The following SAMD5 variants were observed in gnomAD, a reference collection of about 807,000 sequenced individuals.
The protein encoded by SAMD5 is sterile alpha motif domain containing 5, also known as sterile alpha motif domain-containing protein 5.
A neutral mutation model predicts 11.3 loss-of-function variants in SAMD5; 13 were observed. The ratio of observed to expected loss-of-function variants is 1.15; its 90% confidence interval spans 0.75 to 1.83. The LOEUF (loss-of-function observed/expected upper bound fraction) is 1.83, where lower values mean the gene tolerates loss of function less well. SAMD5 is among the 40% of genes most tolerant of loss of function. The pLI is 0.00. For missense variants in SAMD5, 255 were observed against 239.1 expected (o/e 1.07, Z -0.44); for synonymous variants, 129 against 111.3 (o/e 1.16, Z -1.00).
At chr6:147,584,875 G>A (rs1789352002) in intron 1 of SAMD5, among the ~76,000 whole-genome samples, 1 of 152,180 alleles carries the variant, frequency 6.6e-6, no homozygotes, top group Non-Finnish European at 1.5e-5. Flanking sequence ...TGACAGAAAG[G>A]AAAGAAGGCA....
At chr6:147,909,622 T>TTCTCTCTCTCTC in the SAMD5 span, among the ~76,000 whole-genome samples, 47 of 69,780 alleles carry the variant, frequency 6.7e-4, 2 homozygotes, top group East Asian at 3.1e-3. Flanking sequence ...CTTTCTTTCT[T>TTCTCTCTCTCTC]TCTTTCTTTC....
At chr6:147,623,341 A>G (rs1790001220) in intron 1 of SAMD5, among the ~76,000 whole-genome samples, 1 of 152,250 alleles carries the variant, frequency 6.6e-6, no homozygotes, top group South Asian at 2.1e-4. Flanking sequence ...AAGTAGCCCC[A>G]TATGACAAAT....
In SAMD5 at chr6:147,566,470, A is replaced by G; in HGVS notation, c.*2014A>G. 1 of 985,718 alleles carries G rather than the reference A, an allele frequency of 1.0e-6. No homozygotes were observed. Among genetic ancestry groups the G allele is most frequent in the Non-Finnish European group, 1.2e-6 (1 of 829,836 alleles). 61.1% of individuals were successfully genotyped at this position (985,718 alleles called of 1,614,324 possible). ...ATTTCACAGATGTACATTTGCATGT[A>G]CTTGTTGAACTTTGCTAGGAAGGAC... is the stretch of plus-strand genomic sequence containing the variant. On this transcript the variant is annotated 3_prime_UTR_variant, in exon 2 of 2. Transcript: ENST00000367474.
intron 1 of SAMD5, among the ~76,000 whole-genome samples, chr6:147,539,222 T>C (rs1190326075): frequency 6.6e-6 from 1 of 152,190 alleles, no homozygotes; most frequent in Non-Finnish European, 1.5e-5. Context: ...GCAGCTACTC[T>C]GCATTTCATT....
the SAMD5 span, among the ~76,000 whole-genome samples, chr6:147,755,021 T>C: frequency 1.3e-5 from 2 of 152,176 alleles, no homozygotes; most frequent in Non-Finnish European, 2.9e-5. Context: ...TTCTTTTCGC[T>C]TAGGATAACT....
the SAMD5 span, among the ~76,000 whole-genome samples, chr6:147,933,635 CCAAA>C: frequency 6.7e-6 from 1 of 150,288 alleles, no homozygotes; most frequent in Non-Finnish European, 1.5e-5. Context: ...CCTTTCGATT[CCAAA>C]CAATCTAAAA....
intron 1 of SAMD5, among the ~76,000 whole-genome samples, chr6:147,641,022 C>T (rs1156993302): frequency 6.6e-6 from 1 of 152,182 alleles, no homozygotes; most frequent in Non-Finnish European, 1.5e-5. Context: ...AGTTTGATTC[C>T]TTAATCCTCT....
chr6:147,729,504 A>T (rs1791678220), intron 1 of SAMD5, among the ~76,000 whole-genome samples: 1 of 152,198 alleles, frequency 6.6e-6, no homozygotes, highest in Admixed American at 6.5e-5. Context: ...AAACAGGCAA[A>T]ATTTCTCTCT....
chr6:147,850,607 C>T, the SAMD5 span, among the ~76,000 whole-genome samples: 1 of 152,118 alleles, frequency 6.6e-6, no homozygotes, highest in Non-Finnish European at 1.5e-5. Context: ...CAATAGTCCC[C>T]TATTATCCTT....
the SAMD5 span, among the ~76,000 whole-genome samples, chr6:147,888,812 G>T: frequency 6.6e-6 from 1 of 151,620 alleles, no homozygotes; most frequent in African/African-American, 2.4e-5. Flanking sequence ...TTGAACCCAG[G>T]AGGCAGAGGT....
chr6:147,815,168 A>G, the SAMD5 span, among the ~76,000 whole-genome samples: 3 of 152,232 alleles, frequency 2.0e-5, no homozygotes, highest in African/African-American at 7.2e-5. Context: ...TAAAGAGATC[A>G]TTCTTGGAGC....
intron 1 of SAMD5, among the ~76,000 whole-genome samples, chr6:147,515,060 C>T (rs1004678491): frequency 4.6e-5 from 7 of 152,008 alleles, no homozygotes; most frequent in African/African-American, 1.5e-4. Flanking sequence ...TATTCCTCCT[C>T]CCAAGAATTC....
At chr6:147,615,628 A>C (rs1789855189) in intron 1 of SAMD5, among the ~76,000 whole-genome samples, 1 of 152,200 alleles carries the variant, frequency 6.6e-6, no homozygotes, top group Non-Finnish European at 1.5e-5. Flanking sequence ...ACTCATTTAT[A>C]AAAGCCCTCC....
intron 1 of SAMD5, among the ~76,000 whole-genome samples, chr6:147,722,249 T>A (rs1461590606): frequency 6.6e-6 from 1 of 151,920 alleles, no homozygotes; most frequent in Non-Finnish European, 1.5e-5. Flanking sequence ...GTAAGTGGGG[T>A]CACTTCATTC....
At chr6:147,806,807 T>C in the SAMD5 span, among the ~76,000 whole-genome samples, 1 of 152,060 alleles carries the variant, frequency 6.6e-6, no homozygotes, top group African/African-American at 2.4e-5. Flanking sequence ...TCCAATAGGA[T>C]CATATTTGAA....
chr6:147,783,463 G>A, the SAMD5 span, among the ~76,000 whole-genome samples: 5 of 151,766 alleles, frequency 3.3e-5, no homozygotes, highest in South Asian at 1.0e-3. Context: ...GCACAATCTC[G>A]GCTAACTGCA....
At chr6:147,640,163 T>C (rs559325428) in intron 1 of SAMD5, among the ~76,000 whole-genome samples, 1 of 151,638 alleles carries the variant, frequency 6.6e-6, no homozygotes, top group Non-Finnish European at 1.5e-5. Context: ...CTGTCTCTAC[T>C]AAAAATACAA....
Position 147,569,889 on chromosome 6 carries a change from A to G in SAMD5, c.*5433A>G, listed in dbSNP as rs79150545. 5.5e-4 allele frequency: 542 copies of G among 984,758 alleles called. 14 individuals carry two copies. In the South Asian group the frequency reaches 0.019, roughly 35 times the overall value. The allele number at this position is 984,758 out of a possible 1,614,324, so 61.0% of individuals were successfully genotyped here. ...TTCCCTTTCAGTTATTATTTTTTTTAAAGGACGTTATGAGAAGGCACTATG... is the reference window on the plus strand; with the variant it reads ...TTCCCTTTCAGTTATTATTTTTTTTGAAGGACGTTATGAGAAGGCACTATG... On this transcript the variant is annotated 3_prime_UTR_variant, in exon 2 of 2. Coordinates refer to ENST00000367474, the MANE Select transcript of SAMD5 (RefSeq NM_001030060.3).
At chr6:147,558,509 A>G (rs1788893286) in intron 1 of SAMD5, among the ~76,000 whole-genome samples, 1 of 152,118 alleles carries the variant, frequency 6.6e-6, no homozygotes, top group Admixed American at 6.5e-5. Context: ...TATCACTGTG[A>G]TTCCAGACAA....
Sources: allele counts gnomAD v4.1 joint callset (sites outside exome capture counted in the v4.1 genomes callset), GRCh38; gene constraint gnomAD v4.1.1; transcripts MANE v1.5; gene names NCBI Gene and HGNC (gene_info 2026-07-23, HGNC 2026-07-21).